The following LACTB2 variants were observed in gnomAD, a reference collection of about 807,000 sequenced individuals.
LACTB2 encodes the protein lactamase beta 2.
LACTB2 carries 32 observed loss-of-function variants against 34.8 expected under a neutral mutation model. The ratio of observed to expected loss-of-function variants is 0.92; its 90% CI spans 0.69 to 1.24. The LOEUF (loss-of-function observed/expected upper bound fraction) is 1.24. LACTB2 is among the 50% of genes most tolerant of loss of function. The pLI, the probability that LACTB2 is intolerant of heterozygous loss-of-function variation, is 0.00. For synonymous variants in LACTB2, 120 were observed against 117.5 expected, an observed-to-expected ratio of 1.02 and a Z score of -0.14; for missense variants, 320 against 345.0, an observed-to-expected ratio of 0.93 and a Z score of 0.57.
In LACTB2 at chr8:70,637,805, G is replaced by T; in HGVS notation, c.*55C>A. 8.9e-7 allele frequency: 1 copy of T among 1,128,114 alleles called. No homozygotes were observed. The highest frequency in any genetic ancestry group is 1.3e-6 in the Non-Finnish European group (1 of 784,750). 69.9% of individuals were successfully genotyped at this position (1,128,114 alleles called of 1,614,324 possible). The stretch of plus-strand genomic sequence containing the variant: ...TCTCTATAAAATAACCTATAGTTAA[G>T]AAAACATACCATTCTCTGAAAGCAA... On this transcript the variant is annotated 3_prime_UTR_variant, in exon 7 of 7. Coordinates refer to ENST00000276590, the MANE Select transcript of LACTB2 (RefSeq NM_016027.3).
At chr8:70,655,674 C>G (rs1818402528) in intron 3 of LACTB2, among the ~76,000 whole-genome samples, 1 of 152,148 alleles carries the variant, frequency 6.6e-6, no homozygotes, top group Non-Finnish European at 1.5e-5. Flanking sequence ...ATGCAAATAT[C>G]TTTTTTGTAT....
chr8:70,642,698 G>A (rs1818214834), intron 4 of LACTB2, among the ~76,000 whole-genome samples: 1 of 151,922 alleles, frequency 6.6e-6, no homozygotes. Context: ...TGGCCAGGCT[G>A]GTCTTGAAGT....
intron 3 of LACTB2, among the ~76,000 whole-genome samples, chr8:70,655,058 A>G (rs941267318): frequency 5.0e-5 from 7 of 138,966 alleles, no homozygotes; most frequent in African/African-American, 1.9e-4. Context: ...CCAAGTCCCC[A>G]AAGTCCATTG....
chr8:70,640,821 A>C, intron 5 of LACTB2, 81 bp downstream of exon 5: 1 of 1,338,952 alleles, frequency 7.5e-7, no homozygotes, highest in East Asian at 2.9e-5. Flanking sequence ...CTGGGATATA[A>C]GTTTATCATT....
Sources: gnomAD v4.1 joint callset for allele counts (sites outside exome capture counted in the v4.1 genomes callset) on GRCh38, gnomAD v4.1.1 for gene constraint, MANE v1.5 for transcripts, NCBI Gene and HGNC (gene_info 2026-07-23, HGNC 2026-07-21) for gene names.